Variants in SGCD observed in about 807,000 individuals in gnomAD.
SGCD encodes sarcoglycan delta.
Under a neutral mutation model 36.6 loss-of-function variants are expected in SGCD, and 18 were observed. That is an observed-to-expected ratio of 0.49 (90% CI 0.34 to 0.73). The LOEUF (loss-of-function observed/expected upper bound fraction) is 0.73, where lower values mean the gene tolerates loss of function less well. Among genes scored for constraint, SGCD ranks in the 30% least tolerant of loss-of-function variants. The probability of loss-of-function intolerance (pLI) is 0.01; values close to 1 mark genes in which losing one functional copy is unlikely to be tolerated. For synonymous variants in SGCD, 133 were observed against 130.6 expected (o/e 1.02, Z -0.12); for missense variants, 387 against 346.7 (o/e 1.12, Z -0.92).
At chr5:156,388,389 G>A (rs1255548186) in intron 3 of SGCD, among the ~76,000 whole-genome samples, 4 of 152,180 alleles carry the variant, frequency 2.6e-5, no homozygotes, top group African/African-American at 4.8e-5. Flanking sequence ...CAGATGCCAA[G>A]CAAATGGCAA....
chr5:155,888,808 T>A (rs1445236866), intron 1 of SGCD, among the ~76,000 whole-genome samples: 1 of 152,220 alleles, frequency 6.6e-6, no homozygotes, highest in Non-Finnish European at 1.5e-5. Context: ...TTTTCCCGAA[T>A]TTCTTCAGCG....
the SGCD span, among the ~76,000 whole-genome samples, chr5:155,751,228 G>C: frequency 6.6e-6 from 1 of 152,246 alleles, no homozygotes; most frequent in East Asian, 1.9e-4. Context: ...AGTGGCAAAA[G>C]TATTGGCTAT....
chr5:156,583,079 A>C (rs1295110866), intron 4 of SGCD, among the ~76,000 whole-genome samples: 1 of 152,236 alleles, frequency 6.6e-6, no homozygotes, highest in Non-Finnish European at 1.5e-5. Context: ...GTGAGAGTTG[A>C]CAGCTGAGAT....
At chr5:156,071,648 C>T (rs55988263) in intron 1 of SGCD, among the ~76,000 whole-genome samples, 206 of 152,162 alleles carry the variant, frequency 1.4e-3, no homozygotes, top group African/African-American at 4.4e-3. Flanking sequence ...CTATTAGGTC[C>T]GCTTGGTGCA....
chr5:155,996,585 C>T (rs1435363974), intron 1 of SGCD, among the ~76,000 whole-genome samples: 1 of 151,918 alleles, frequency 6.6e-6, no homozygotes, highest in Non-Finnish European at 1.5e-5. Context: ...CAAGACCAGC[C>T]CGGGCAACTT....
chr5:156,696,962 A>T (rs1754344898), intron 7 of SGCD, among the ~76,000 whole-genome samples: 1 of 143,776 alleles, frequency 7.0e-6, no homozygotes, highest in Non-Finnish European at 1.5e-5. Context: ...ACACACACAC[A>T]CTTCACCATA....
chr5:155,974,779 G>A (rs1329657387), intron 1 of SGCD, among the ~76,000 whole-genome samples: 1 of 151,996 alleles, frequency 6.6e-6, no homozygotes, highest in Non-Finnish European at 1.5e-5. Flanking sequence ...AGAGTGTAGG[G>A]CGGACAGTGG....
intron 3 of SGCD, among the ~76,000 whole-genome samples, chr5:156,423,483 TATTAA>T (rs1484018030): frequency 8.2e-6 from 1 of 122,570 alleles, no homozygotes; most frequent in Admixed American, 9.8e-5. Context: ...AATTAATTAA[TATTAA>T]ATTGGCAAAG....
At chr5:156,577,932 G>A (rs910359496) in intron 4 of SGCD, among the ~76,000 whole-genome samples, 1 of 152,086 alleles carries the variant, frequency 6.6e-6, no homozygotes, top group Non-Finnish European at 1.5e-5. Flanking sequence ...GATTGCCCTG[G>A]CCAGAACTTG....
chr5:156,688,492 C>T (rs1753989053), intron 7 of SGCD, among the ~76,000 whole-genome samples: 1 of 152,096 alleles, frequency 6.6e-6, no homozygotes, highest in East Asian at 1.9e-4. Context: ...GATTAATTAC[C>T]TAAAAGGGGA....
At chr5:156,406,904 A>G (rs972826169) in intron 3 of SGCD, among the ~76,000 whole-genome samples, 2 of 150,370 alleles carry the variant, frequency 1.3e-5, no homozygotes, top group African/African-American at 4.9e-5. Context: ...AGGTCCCACA[A>G]TAGGCTGTCT....
At chr5:156,637,318 G>T (rs1223547027) in intron 6 of SGCD, among the ~76,000 whole-genome samples, 1 of 152,056 alleles carries the variant, frequency 6.6e-6, no homozygotes, top group Non-Finnish European at 1.5e-5. Context: ...ACCCGATCTT[G>T]GGTATGTCTT....
chr5:155,833,720 T>C, the SGCD span, among the ~76,000 whole-genome samples: 1 of 152,200 alleles, frequency 6.6e-6, no homozygotes, highest in Non-Finnish European at 1.5e-5. Flanking sequence ...AGCAGAGCTG[T>C]GCTTTTAGAG....
intron 1 of SGCD, among the ~76,000 whole-genome samples, chr5:156,047,370 G>A (rs1186202182): frequency 6.6e-6 from 1 of 152,160 alleles, no homozygotes; most frequent in Admixed American, 6.6e-5. Context: ...AGAAGATGAT[G>A]TCTAGGACTT....
At chr5:155,932,569 GT>G (rs1561654224) in intron 1 of SGCD, among the ~76,000 whole-genome samples, 1 of 152,138 alleles carries the variant, frequency 6.6e-6, no homozygotes, top group Non-Finnish European at 1.5e-5. Flanking sequence ...AACATAACTG[GT>G]TTTTGGAGCT....
rs1757530341 is a variant in SGCD, at chr5:156,763,306, G to A, written c.*3916G>A. 1 of 152,590 alleles carries A rather than the reference G, an allele frequency of 6.6e-6. No homozygotes were observed. Among genetic ancestry groups the A allele is most frequent in the African/African-American group, 2.4e-5 (1 of 41,424 alleles). 9.5% of individuals were successfully genotyped at this position (152,590 alleles called of 1,614,324 possible). On this transcript the variant is annotated 3_prime_UTR_variant, in exon 9 of 9. Coordinates refer to ENST00000337851, the MANE Select transcript of SGCD (RefSeq NM_000337.6). Reference sequence around the variant, plus strand: ...CCATGGTCCTCCAGAGAATAGTTTTGACTTAACATGTCTGTTTAGCCCACA... The same window carrying A: ...CCATGGTCCTCCAGAGAATAGTTTTAACTTAACATGTCTGTTTAGCCCACA...
chr5:156,118,345 T>G (rs1761952737), intron 2 of SGCD, among the ~76,000 whole-genome samples: 1 of 152,116 alleles, frequency 6.6e-6, no homozygotes, highest in Non-Finnish European at 1.5e-5. Context: ...CTTACTGTTT[T>G]GGCTAGGAAT....
intron 1 of SGCD, among the ~76,000 whole-genome samples, chr5:155,952,241 A>G (rs1046989041): frequency 2.0e-5 from 3 of 152,134 alleles, no homozygotes; most frequent in Non-Finnish European, 4.4e-5. Flanking sequence ...AAAAACCCCA[A>G]GGAGGAAGAT....
chr5:156,744,239 C>A (rs575956065), intron 7 of SGCD, among the ~76,000 whole-genome samples: 63 of 152,314 alleles, frequency 4.1e-4, no homozygotes, highest in African/African-American at 1.4e-3. Flanking sequence ...TTCCCAAAAT[C>A]CTTCCCTGAG....
Sources: gnomAD v4.1 joint callset for allele counts (sites outside exome capture counted in the v4.1 genomes callset) on GRCh38, gnomAD v4.1.1 for gene constraint, MANE v1.5 for transcripts, NCBI Gene and HGNC (gene_info 2026-07-23, HGNC 2026-07-21) for gene names.